GALNT18: variants seen among roughly 807,000 people sequenced by gnomAD.
The protein encoded by GALNT18 is GalNAc-transferase 18.
GALNT18 carries 44 observed loss-of-function variants against 69.5 expected under a neutral mutation model. The observed-to-expected ratio is 0.63, with a 90% confidence interval of 0.50 to 0.81. The LOEUF is 0.81. Ranked by LOEUF, GALNT18 falls within the 40% of genes least tolerant of loss-of-function variation. The pLI is 0.00. For missense variants in GALNT18, 715 were observed against 810.0 expected (o/e 0.88, Z 1.42); for synonymous variants, 364 against 318.2 (o/e 1.14, Z -1.53).
chr11:11,294,835 C>T (rs4910296), intron 9 of GALNT18, among the ~76,000 whole-genome samples: 56,403 of 151,880 alleles, frequency 0.37, 10,941 homozygotes, highest in Middle Eastern at 0.54. Context: ...CTCACATTGC[C>T]AAAGGCATTA....
intron 3 of GALNT18, among the ~76,000 whole-genome samples, chr11:11,423,755 C>T (rs1170479773): frequency 1.3e-5 from 2 of 152,014 alleles, no homozygotes; most frequent in Non-Finnish European, 2.9e-5. Flanking sequence ...AGGGTGTAGA[C>T]GCTGAAACCA....
At chr11:11,397,197 T>C (rs1235726791) in intron 3 of GALNT18, among the ~76,000 whole-genome samples, 2 of 152,096 alleles carry the variant, frequency 1.3e-5, no homozygotes, top group African/African-American at 4.8e-5. Flanking sequence ...CCACAAAGAA[T>C]TGAGTGGTGA....
At chr11:11,392,062 T>A (rs1854206423) in intron 3 of GALNT18, among the ~76,000 whole-genome samples, 1 of 152,250 alleles carries the variant, frequency 6.6e-6, no homozygotes, top group Admixed American at 6.5e-5. Context: ...AAGACTTTAG[T>A]ACTGTTTTTC....
At position 11,387,231 on chromosome 11, in the gene GALNT18, GC is replaced by G. The variant is rs1332935904; in HGVS notation, c.596-7968del. Among the ~76,000 whole-genome samples the G allele has an allele frequency of 2.0e-5, 3 of 152,142 alleles. No homozygotes were observed. ...GTTGCCGGTCCTTCCCTTTCCAGCT[GC>G]TTTTCGTTTCTCTACTTGGCCATCT... On this transcript the variant is annotated intron_variant, in intron 3 of 10. Coordinates refer to ENST00000227756, the MANE Select transcript of GALNT18 (RefSeq NM_198516.3). This position sits in a 1 kb window ranked among gnomAD's most constrained non-coding sequence, Gnocchi z 4.6.
At chr11:11,488,887 T>C (rs1260932609) in intron 1 of GALNT18, among the ~76,000 whole-genome samples, 1 of 152,192 alleles carries the variant, frequency 6.6e-6, no homozygotes, top group Non-Finnish European at 1.5e-5. Context: ...CTTTAACCTC[T>C]TTGTTCTTCA....
chr11:11,418,247 A>C (rs1854911769), intron 3 of GALNT18, among the ~76,000 whole-genome samples: 1 of 152,218 alleles, frequency 6.6e-6, no homozygotes, highest in Non-Finnish European at 1.5e-5. Flanking sequence ...GAAGGAATCA[A>C]AGAAGTTGTC....
rs886183296 is a variant in GALNT18, at chr11:11,339,667, A to G, written c.1278+1152T>C. Among the ~76,000 whole-genome samples the G allele has an allele frequency of 6.6e-6, 1 of 152,120 alleles. No individual in the cohort carries two copies. Among genetic ancestry groups the G allele is most frequent in the African/African-American group, 2.4e-5 (1 of 41,406 alleles). ...ATGCAATCCCGGGCTGGTACATTAG[A>G]GTTGGCTGCACTCTGGCTGATATTT... On this transcript the variant is annotated intron_variant, in intron 7 of 10. Coordinates refer to ENST00000227756, the MANE Select transcript of GALNT18 (RefSeq NM_198516.3). This position sits in a 1 kb window ranked among gnomAD's most constrained non-coding sequence, Gnocchi z 5.2.
Position 11,602,008 on chromosome 11 carries a change from C to T in GALNT18, c.235+19351G>A, listed in dbSNP as rs1269993807. 6.6e-6 allele frequency among the ~76,000 whole-genome samples: 1 copy of T among 152,126 alleles called. No individual in the cohort carries two copies. Among genetic ancestry groups the T allele is most frequent in the Non-Finnish European group, 1.5e-5 (1 of 68,034 alleles). On this transcript the variant is annotated intron_variant, in intron 1 of 10. Coordinates refer to ENST00000227756, the MANE Select transcript of GALNT18 (RefSeq NM_198516.3). This position sits in a 1 kb window ranked among gnomAD's most constrained non-coding sequence, Gnocchi z 4.7. ...AGCTACTAACCTCCTCTTAAATGCT[C>T]GGAAATTGCTTTTATGCTTGGACCT...
chr11:11,405,166 T>C (rs1014438837), intron 3 of GALNT18, among the ~76,000 whole-genome samples: 5 of 151,930 alleles, frequency 3.3e-5, no homozygotes, highest in Admixed American at 6.6e-5. Context: ...CTGTGCTGGG[T>C]AATGGGAGGC....
At chr11:11,509,637 C>T (rs996099573) in intron 1 of GALNT18, among the ~76,000 whole-genome samples, 7 of 152,198 alleles carry the variant, frequency 4.6e-5, no homozygotes, top group East Asian at 3.9e-4. Flanking sequence ...GAATGACTTT[C>T]CCCCCTCTCC....
At chr11:11,360,594 G>T (rs1198591884) in intron 6 of GALNT18, among the ~76,000 whole-genome samples, 1 of 151,684 alleles carries the variant, frequency 6.6e-6, no homozygotes, top group African/African-American at 2.4e-5. Context: ...CTAAGATAGG[G>T]TTCTTCTATC....
intron 3 of GALNT18, among the ~76,000 whole-genome samples, chr11:11,424,724 C>T (rs1027932432): frequency 6.6e-6 from 1 of 152,114 alleles, no homozygotes; most frequent in Non-Finnish European, 1.5e-5. Context: ...CGTGGGAGCA[C>T]TGAGGCCAAC....
chr11:11,513,972 C>T (rs1032355993), intron 1 of GALNT18, among the ~76,000 whole-genome samples: 1 of 100,388 alleles, frequency 1.0e-5, no homozygotes, highest in African/African-American at 4.0e-5. Flanking sequence ...CAGCTCAGAC[C>T]CTGAGTGCTG....
intron 10 of GALNT18, among the ~76,000 whole-genome samples, chr11:11,278,658 A>T (rs921658568): frequency 6.6e-6 from 1 of 152,132 alleles, no homozygotes; most frequent in Admixed American, 6.5e-5. Flanking sequence ...ATTAAAAAAA[A>T]AATTGAATTC....
chr11:11,585,184 T>C (rs1859182831), intron 1 of GALNT18, among the ~76,000 whole-genome samples: 1 of 152,216 alleles, frequency 6.6e-6, no homozygotes. Flanking sequence ...CAGATTTTGA[T>C]GTAACAGAAT....
At chr11:11,420,564 T>G (rs1055551248) in intron 3 of GALNT18, among the ~76,000 whole-genome samples, 2 of 152,200 alleles carry the variant, frequency 1.3e-5, no homozygotes, top group African/African-American at 4.8e-5. Flanking sequence ...ATTTGATTTG[T>G]TGAGTTTTTA....
At chr11:11,408,783 C>T (rs907226197) in intron 3 of GALNT18, among the ~76,000 whole-genome samples, 31 of 152,172 alleles carry the variant, frequency 2.0e-4, no homozygotes, top group Admixed American at 6.5e-4. Flanking sequence ...ACCCTCACCC[C>T]TGACCATAAG....
chr11:11,573,014 T>C lies in GALNT18; in HGVS notation c.235+48345A>G, dbSNP rs1024595339. On this transcript the variant is annotated intron_variant, in intron 1 of 10. Transcript: ENST00000227756. This position sits in a 1 kb window ranked among gnomAD's most constrained non-coding sequence, Gnocchi z 4.6. Reference sequence around the variant, plus strand: ...TCTCTTAGTCCTCACAGTAGTCCCATGAAGGAGGACGTTATCTTAGCCCAT... The same window carrying C: ...TCTCTTAGTCCTCACAGTAGTCCCACGAAGGAGGACGTTATCTTAGCCCAT... Among the ~76,000 whole-genome samples, 4 of 152,106 alleles carry C rather than the reference T, an allele frequency of 2.6e-5. No homozygotes were observed. Among genetic ancestry groups the C allele is most frequent in the African/African-American group, 9.7e-5 (4 of 41,446 alleles).
chr11:11,576,458 G>T (rs1858925909), intron 1 of GALNT18, among the ~76,000 whole-genome samples: 1 of 152,258 alleles, frequency 6.6e-6, no homozygotes, highest in South Asian at 2.1e-4. Context: ...TGGAGCAGGG[G>T]TAAGGAGGTA....
Sources: allele counts gnomAD v4.1 joint callset (sites outside exome capture counted in the v4.1 genomes callset), GRCh38; gene constraint gnomAD v4.1.1; non-coding constraint Gnocchi (gnomAD v3.1); transcripts MANE v1.5; gene names NCBI Gene and HGNC (gene_info 2026-07-23, HGNC 2026-07-21).